The following VMP1 variants were observed in gnomAD, a reference collection of about 807,000 sequenced individuals.
VMP1 encodes vacuole membrane protein 1, also known as ectopic P-granules autophagy protein 3 homolog.
In VMP1, 11 loss-of-function variants were observed where a neutral mutation model predicts 56.0. That is an observed-to-expected ratio of 0.20 (90% CI 0.12 to 0.32). The LOEUF is 0.32. Ranked by LOEUF, VMP1 falls within the 10% of genes least tolerant of loss-of-function variation. The probability of loss-of-function intolerance (pLI) is 1.00; values close to 1 mark genes in which losing one functional copy is unlikely to be tolerated. For synonymous variants in VMP1, 149 were observed against 165.0 expected, an observed-to-expected ratio of 0.90 and a Z score of 0.74; for missense variants, 296 against 490.3, an observed-to-expected ratio of 0.60 and a Z score of 3.74.
chr17:59,718,184 CTTTTTTTTTTTTTTTT>C lies in VMP1; in HGVS notation c.-27+10449_-27+10464del, dbSNP rs971095445. 1.1e-4 allele frequency among the ~76,000 whole-genome samples: 9 copies of C among 79,288 alleles called. No homozygotes were observed. In the South Asian group the frequency reaches 3.5e-3, roughly 30 times the overall value. The allele number at this position is 79,288 out of a possible 152,430, so 52.0% of individuals were successfully genotyped here. A position where few individuals can be genotyped will look rare whatever the true frequency, so the allele number is the denominator to read the frequency against. On this transcript the variant is annotated intron_variant, in intron 1 of 11. Coordinates refer to ENST00000262291, the MANE Select transcript of VMP1 (RefSeq NM_030938.5). The stretch of plus-strand genomic sequence containing the variant: ...ACTTCCTTTCTTCCTTCCCTCCCTC[CTTTTTTTTTTTTTTTT>C]TTTTTTTTTTTTGTGAGACGGAGTC...
intron 10 of VMP1, among the ~76,000 whole-genome samples, chr17:59,836,715 T>G (rs2038992645): frequency 7.9e-6 from 1 of 126,354 alleles, no homozygotes; most frequent in Non-Finnish European, 1.7e-5. Flanking sequence ...TTGTGGGCAG[T>G]TTGGTTTTTT....
intron 9 of VMP1, among the ~76,000 whole-genome samples, chr17:59,816,266 T>A (rs2038228381): frequency 6.6e-6 from 1 of 152,206 alleles, no homozygotes; most frequent in Admixed American, 6.5e-5. Context: ...TTCATGGTGA[T>A]GAAATCACTG....
intron 1 of VMP1, among the ~76,000 whole-genome samples, chr17:59,730,274 CT>C (rs544721328): frequency 3.0e-3 from 432 of 145,306 alleles, no homozygotes; most frequent in Non-Finnish European, 4.3e-3. Flanking sequence ...TTTTCACTTT[CT>C]TTTTTTTTTT....
chr17:59,741,037 A>G (rs940875490), intron 5 of VMP1, among the ~76,000 whole-genome samples: 3 of 152,168 alleles, frequency 2.0e-5, no homozygotes, highest in African/African-American at 7.2e-5. Context: ...TCTATAAAAA[A>G]TACAAAAATT....
Position 59,760,944 on chromosome 17 carries a change from T to C in VMP1, c.415-4027T>C, listed in dbSNP as rs996208050. Among the ~76,000 whole-genome samples, 7 of 150,030 alleles carry C rather than the reference T, an allele frequency of 4.7e-5. 1 individual carries two copies. The South Asian group carries it at 1.5e-3, about 32-fold the overall frequency. On this transcript the variant is annotated intron_variant, in intron 5 of 11. Coordinates refer to ENST00000262291, the MANE Select transcript of VMP1 (RefSeq NM_030938.5). Reference sequence around the variant, plus strand: ...TATATGTTTTCTTTTCTTTTCTTTTTTGTGCTGGCATGCAGTGTTGAGATC... The same window carrying C: ...TATATGTTTTCTTTTCTTTTCTTTTCTGTGCTGGCATGCAGTGTTGAGATC...
In VMP1 at chr17:59,809,484, A is replaced by ATTTT. The variant is rs71145575; in HGVS notation, c.795+645_795+648dup. 1.1e-3 allele frequency among the ~76,000 whole-genome samples: 57 copies of ATTTT among 52,708 alleles called. 6 individuals are homozygous for ATTTT. Among genetic ancestry groups the ATTTT allele is most frequent in the East Asian group, 1.5e-3 (3 of 1,938 alleles). 34.6% of individuals were successfully genotyped at this position (52,708 alleles called of 152,430 possible). ...AGGCGACTGCCACCACACCCAGCTA[A>ATTTT]TTTTTTTTTTTTTTTTTTTTTTTTT... is the stretch of plus-strand genomic sequence containing the variant. On this transcript the variant is annotated intron_variant, in intron 8 of 11. Coordinates refer to ENST00000262291, the MANE Select transcript of VMP1 (RefSeq NM_030938.5).
chr17:59,713,720 C>CTT (rs555249052), intron 1 of VMP1, among the ~76,000 whole-genome samples: 1 of 118,096 alleles, frequency 8.5e-6, no homozygotes, highest in African/African-American at 3.2e-5. Flanking sequence ...AAAAGAGAGA[C>CTT]TTTTTTTTTT....
intron 2 of VMP1, among the ~76,000 whole-genome samples, chr17:59,734,997 T>C (rs907142689): frequency 4.1e-5 from 6 of 144,762 alleles, no homozygotes; most frequent in African/African-American, 1.0e-4. Flanking sequence ...CTGCAACCTC[T>C]GCCTCCCAGG....
At chr17:59,773,225 G>T (rs2036500459) in intron 6 of VMP1, among the ~76,000 whole-genome samples, 1 of 151,884 alleles carries the variant, frequency 6.6e-6, no homozygotes, top group African/African-American at 2.4e-5. Context: ...CTCCCAAAGT[G>T]CTGGGATTAC....
At chr17:59,719,535 G>A (rs2034312411) in intron 1 of VMP1, among the ~76,000 whole-genome samples, 1 of 151,504 alleles carries the variant, frequency 6.6e-6, no homozygotes, top group African/African-American at 2.4e-5. Flanking sequence ...GGATGATGTT[G>A]CCAAGAAAAT....
intron 7 of VMP1, among the ~76,000 whole-genome samples, chr17:59,799,733 C>T (rs999072850): frequency 3.3e-5 from 5 of 152,026 alleles, no homozygotes; most frequent in Non-Finnish European, 7.4e-5. Flanking sequence ...GAGGCCAAGG[C>T]GGGAGGATCA....
intron 10 of VMP1, among the ~76,000 whole-genome samples, chr17:59,825,449 A>G (rs1171173525): frequency 3.3e-5 from 5 of 152,126 alleles, no homozygotes; most frequent in Non-Finnish European, 7.4e-5. Context: ...AGACCTGTGC[A>G]TATTTCTTAA....
intron 1 of VMP1, among the ~76,000 whole-genome samples, chr17:59,728,533 T>C (rs2034695284): frequency 6.6e-6 from 1 of 152,172 alleles, no homozygotes; most frequent in African/African-American, 2.4e-5. Flanking sequence ...CCTAATACTC[T>C]TGGGTCTTCT....
At chr17:59,818,442 C>G (rs1228262848) in intron 10 of VMP1, among the ~76,000 whole-genome samples, 1 of 152,020 alleles carries the variant, frequency 6.6e-6, no homozygotes, top group Admixed American at 6.6e-5. Flanking sequence ...TGTCAGGTCT[C>G]TATTACTTCA....
intron 7 of VMP1, among the ~76,000 whole-genome samples, chr17:59,781,922 T>C (rs1270932900): frequency 6.6e-6 from 1 of 152,180 alleles, no homozygotes. Flanking sequence ...ACATGTTACT[T>C]TTTTTAGACA....
At chr17:59,717,393 T>G (rs1382569822) in intron 1 of VMP1, among the ~76,000 whole-genome samples, 1 of 152,176 alleles carries the variant, frequency 6.6e-6, no homozygotes, top group Admixed American at 6.5e-5. Context: ...CTAATCTCTT[T>G]TTTTTTGGAG....
chr17:59,823,952 A>G (rs2038544041), intron 10 of VMP1, among the ~76,000 whole-genome samples: 1 of 152,230 alleles, frequency 6.6e-6, no homozygotes, highest in African/African-American at 2.4e-5. Context: ...ATGAGATAAT[A>G]AGGCAAGGAA....
intron 7 of VMP1, among the ~76,000 whole-genome samples, chr17:59,778,455 A>G (rs576392550): frequency 6.6e-6 from 1 of 151,974 alleles, no homozygotes; most frequent in South Asian, 2.1e-4. Flanking sequence ...AGGCAGGAGA[A>G]TGGTGTGAAC....
In VMP1 at chr17:59,836,290, C is replaced by T. The variant is rs556768439; in HGVS notation, c.975-2005C>T. Among the ~76,000 whole-genome samples the T allele has an allele frequency of 2.0e-3, 301 of 151,462 alleles. 2 individuals carry two copies. The highest frequency in any genetic ancestry group is 6.9e-3 in the African/African-American group (283 of 41,264). On this transcript the variant is annotated intron_variant, in intron 10 of 11. Transcript: ENST00000262291. ...CACCGAGGCTGGAGTACAGTGCAGC[C>T]CTGAGCTTCCTGGGCTCTCACTGTA...
Sources: allele counts gnomAD v4.1 joint callset (sites outside exome capture counted in the v4.1 genomes callset), GRCh38; gene constraint gnomAD v4.1.1; transcripts MANE v1.5; gene names NCBI Gene and HGNC (gene_info 2026-07-23, HGNC 2026-07-21).